RBBP8: variants seen among roughly 807,000 people sequenced by gnomAD.
RBBP8 encodes the protein RB binding protein 8, endonuclease.
In RBBP8, 88 loss-of-function variants were observed where a neutral mutation model predicts 108.3. The ratio of observed to expected loss-of-function variants is 0.81; its 90% CI spans 0.68 to 0.97. The LOEUF (loss-of-function observed/expected upper bound fraction) is 0.97. Among genes scored for constraint, RBBP8 ranks in the 50% least tolerant of loss-of-function variants. The pLI is 0.00. For missense variants in RBBP8, 1,023 were observed against 1,049.0 expected (o/e 0.98, Z 0.34); for synonymous variants, 332 against 348.2 (o/e 0.95, Z 0.52).
chr18:23,026,163 G>T lies in RBBP8; in HGVS notation c.2617G>T (p.Asp873Tyr). The T allele has an allele frequency of 6.2e-7, 1 of 1,613,472 alleles. No homozygotes were observed. The highest frequency in any genetic ancestry group is 1.1e-5 in the South Asian group (1 of 91,022). Residue 873 changes from aspartate (D) to tyrosine (Y), a missense_variant, in exon 19 of 19, where the codon GAT (aspartate) becomes TAT (tyrosine). Transcript: ENST00000327155. ...MERGYIKEDLDPCPRPKRRQP... is the reference protein window; with the variant it reads ...MERGYIKEDLYPCPRPKRRQP... The stretch of plus-strand genomic sequence containing the variant: ...TTAAGGTTATATTAAGGAAGATCTT[G>T]ATCCTTGTCCTCGTCCAAAAAGACG...
intron 4 of RBBP8, among the ~76,000 whole-genome samples, chr18:22,964,795 A>G (rs1226412992): frequency 1.3e-5 from 2 of 152,042 alleles, no homozygotes; most frequent in Admixed American, 6.6e-5. Flanking sequence ...ACACCTGGAT[A>G]CTATTTTTAA....
chr18:22,976,735 C>T (rs773936790), intron 6 of RBBP8, among the ~76,000 whole-genome samples: 3 of 151,858 alleles, frequency 2.0e-5, no homozygotes, highest in Non-Finnish European at 4.4e-5. Flanking sequence ...TATGTATGTA[C>T]GTAGCTTATG....
At chr18:22,917,179 T>C (rs1909395880) in intron 3 of RBBP8, among the ~76,000 whole-genome samples, 1 of 152,210 alleles carries the variant, frequency 6.6e-6, no homozygotes, top group Admixed American at 6.5e-5. Flanking sequence ...AATTACCTTA[T>C]CTTATCACAG....
chr18:22,972,163 G>T (rs1157768666), intron 5 of RBBP8, among the ~76,000 whole-genome samples: 1 of 149,740 alleles, frequency 6.7e-6, no homozygotes, highest in East Asian at 2.1e-4. Context: ...AGACCAGCCT[G>T]GCCAAGATGG....
chr18:23,014,930 G>A (rs1038050161), intron 16 of RBBP8, among the ~76,000 whole-genome samples: 2 of 151,754 alleles, frequency 1.3e-5, no homozygotes, highest in African/African-American at 4.8e-5. Flanking sequence ...TTGTTACCTA[G>A]GCTGAAGTGC....
chr18:23,022,180 T>C lies in RBBP8; in HGVS notation c.2506T>C (p.Ser836Pro). The change falls in exon 18 of 19, where the codon TCA (serine) becomes CCA (proline). Residue 836 changes from serine to proline, a missense_variant. Ser to Pro is a moderately conservative substitution (Grantham distance 74, BLOSUM62 -1). Transcript: ENST00000327155. ...EEREKKLASC[S>P]RHRFRYIPPN... ...AAGAGAAAAGAAATTGGCTTCCTGC[T>C]CAAGACACCGATTCCGCTACATTCC... is the stretch of plus-strand genomic sequence containing the variant. 6.2e-7 allele frequency: 1 copy of C among 1,611,244 alleles called. No individual in the cohort carries two copies.
chr18:22,930,606 C>T (rs1909987426), upstream of RBBP8, among the ~76,000 whole-genome samples: 1 of 152,078 alleles, frequency 6.6e-6, no homozygotes, highest in Non-Finnish European at 1.5e-5. Context: ...CATATAAAAT[C>T]TCATTTAAAA....
rs1320961661 is a variant in RBBP8, at chr18:22,993,528, C to T, written c.1701C>T (p.Cys567=). 1 of 1,613,302 alleles carries T rather than the reference C, an allele frequency of 6.2e-7. No homozygotes were observed. Among genetic ancestry groups the T allele is most frequent in the African/African-American group, 1.3e-5 (1 of 74,912 alleles). Residue 567 remains cysteine (C), a synonymous_variant, in exon 11 of 19, where the codon TGC becomes TGT. Transcript: ENST00000327155. Reference sequence around the variant, plus strand: ...TCATCCTTCAGCCCTTGAATAAATGCTCTCCAGACAATAAACCATCATTAC... The same window carrying T: ...TCATCCTTCAGCCCTTGAATAAATGTTCTCCAGACAATAAACCATCATTAC... The part of the protein sequence containing the change: ...ECIILQPLNK[C]SPDNKPSLQI...
intron 8 of RBBP8, among the ~76,000 whole-genome samples, chr18:22,986,779 A>G (rs1401681219): frequency 1.3e-5 from 2 of 151,958 alleles, no homozygotes; most frequent in Non-Finnish European, 2.9e-5. Flanking sequence ...ACTGAAAGCT[A>G]CAAATCATTT....
chr18:23,020,841 C>T (rs2046336392), intron 17 of RBBP8, among the ~76,000 whole-genome samples: 1 of 152,112 alleles, frequency 6.6e-6, no homozygotes, highest in Non-Finnish European at 1.5e-5. Context: ...TTCCAATAAG[C>T]CCTGATTCTC....
rs139016995 is a variant in RBBP8 at position 22,982,188 on chromosome 18, G to A, written c.429-30G>A. On this transcript the variant is annotated intron_variant, in intron 6 of 18. Transcript: ENST00000327155. ...TAAATGTTTTAATACTCATTGAATT[G>A]ATTTTCTTTCCATTGTCATTCTTCT... 8.1e-4 allele frequency: 1,300 copies of A among 1,598,940 alleles called. 4 individuals are homozygous for A. Among genetic ancestry groups the A allele is most frequent in the Middle Eastern group, 6.3e-3 (38 of 6,014 alleles).
intron 4 of RBBP8, among the ~76,000 whole-genome samples, chr18:22,966,551 CAACATAGT>C (rs1270006773): frequency 7.4e-6 from 1 of 135,616 alleles, no homozygotes; most frequent in Non-Finnish European, 1.6e-5. Context: ...CCAGCCTGGG[CAACATAGT>C]GAGACCCCAT....
intron 18 of RBBP8, among the ~76,000 whole-genome samples, chr18:23,024,305 TTCAA>T (rs200533938): frequency 0.026 from 4,006 of 152,304 alleles, 69 homozygotes; most frequent in Non-Finnish European, 0.041. Flanking sequence ...GGTACAGACA[TTCAA>T]TCAAACATTC....
At chr18:22,967,365 C>CAAAA in intron 4 of RBBP8, among the ~76,000 whole-genome samples, 1 of 108,234 alleles carries the variant, frequency 9.2e-6, no homozygotes, top group East Asian at 2.8e-4. Context: ...GACTCCGTCT[C>CAAAA]AAAAAAAAAA....
chr18:22,950,728 G>A (rs569052943), intron 4 of RBBP8, among the ~76,000 whole-genome samples: 9 of 152,192 alleles, frequency 5.9e-5, no homozygotes, highest in East Asian at 1.9e-4. Context: ...CAAAACCAGC[G>A]TCGCAGTATA....
At chr18:23,013,679 A>G (rs1376548904) in intron 16 of RBBP8, among the ~76,000 whole-genome samples, 2 of 152,180 alleles carry the variant, frequency 1.3e-5, no homozygotes, top group African/African-American at 4.8e-5. Context: ...GCTGATAATC[A>G]TCTTTGTTTT....
At chr18:22,944,214 C>G (rs187441882) in intron 2 of RBBP8, among the ~76,000 whole-genome samples, 9 of 152,288 alleles carry the variant, frequency 5.9e-5, no homozygotes, top group African/African-American at 2.2e-4. Flanking sequence ...CACATATAAA[C>G]CTGTTTCAGG....
intron 16 of RBBP8, among the ~76,000 whole-genome samples, chr18:23,008,994 C>T (rs1217968486): frequency 2.0e-5 from 3 of 151,936 alleles, no homozygotes; most frequent in Admixed American, 6.6e-5. Flanking sequence ...AGGATGGTCT[C>T]GATCTCCTGA....
chr18:23,011,176 G>A (rs1002746465), intron 16 of RBBP8, among the ~76,000 whole-genome samples: 1 of 152,032 alleles, frequency 6.6e-6, no homozygotes, highest in African/African-American at 2.4e-5. Flanking sequence ...CAACTAGAGG[G>A]GCATGTATGT....
Sources: gnomAD v4.1 joint callset for allele counts (sites outside exome capture counted in the v4.1 genomes callset) on GRCh38, gnomAD v4.1.1 for gene constraint, MANE v1.5 for transcripts, NCBI Gene and HGNC (gene_info 2026-07-23, HGNC 2026-07-21) for gene names.